Variants in ARHGAP15 observed in about 807,000 individuals in gnomAD.
ARHGAP15 encodes the protein Rho GTPase activating protein 15, also known as rho GTPase-activating protein 15.
A neutral mutation model predicts 63.7 loss-of-function variants in ARHGAP15; 51 were observed. The observed-to-expected ratio is 0.80, with a 90% CI of 0.64 to 1.01. ARHGAP15 has a LOEUF of 1.01. ARHGAP15 is among the 50% of genes least tolerant of loss of function. The probability of loss-of-function intolerance (pLI) is 0.00; values close to 1 mark genes in which losing one functional copy is unlikely to be tolerated. For missense variants in ARHGAP15, 560 were observed against 564.6 expected, an observed-to-expected ratio of 0.99 and a Z score of 0.08; for synonymous variants, 191 against 193.8, an observed-to-expected ratio of 0.99 and a Z score of 0.12.
intron 6 of ARHGAP15, among the ~76,000 whole-genome samples, chr2:143,347,013 C>G (rs1454526065): frequency 1.3e-5 from 2 of 151,860 alleles, no homozygotes; most frequent in African/African-American, 2.4e-5. Flanking sequence ...AACTGATGTA[C>G]AAATCGAGAG....
chr2:143,140,201 T>G (rs1689304435), intron 1 of ARHGAP15, among the ~76,000 whole-genome samples: 1 of 152,160 alleles, frequency 6.6e-6, no homozygotes, highest in Non-Finnish European at 1.5e-5. Flanking sequence ...TTGCTATTAG[T>G]TTCATTTTCT....
intron 6 of ARHGAP15, among the ~76,000 whole-genome samples, chr2:143,409,253 A>C (rs1688343608): frequency 6.6e-6 from 1 of 152,040 alleles, no homozygotes; most frequent in Non-Finnish European, 1.5e-5. Context: ...CTACCAATAG[A>C]AAACAACAAC....
intron 4 of ARHGAP15, among the ~76,000 whole-genome samples, chr2:143,217,260 C>G (rs1051075473): frequency 1.3e-5 from 2 of 152,170 alleles, no homozygotes; most frequent in Admixed American, 1.3e-4. Flanking sequence ...GAATGACACT[C>G]TGGGTCAACA....
In ARHGAP15 at chr2:143,767,771, A is replaced by G. The variant is rs572204479; in HGVS notation, c.1245-218A>G. Among the ~76,000 whole-genome samples the G allele has an allele frequency of 6.3e-4, 96 of 152,312 alleles. 1 individual carries two copies. The Middle Eastern group carries it at 0.02, about 32-fold the overall frequency. ...TATTTGTTGAGTACCCACAATGCTC[A>G]GCTATTATGGGGGTAAAAAGTTGGA... On this transcript the variant is annotated intron_variant, in intron 13 of 13. Transcript: ENST00000295095.
chr2:143,668,601 T>C (rs1175081847), intron 12 of ARHGAP15, among the ~76,000 whole-genome samples: 1 of 152,238 alleles, frequency 6.6e-6, no homozygotes, highest in African/African-American at 2.4e-5. Flanking sequence ...ACTCTTCTTT[T>C]TTATACAGCC....
chr2:143,405,843 T>G (rs974626247), intron 6 of ARHGAP15, among the ~76,000 whole-genome samples: 1 of 151,900 alleles, frequency 6.6e-6, no homozygotes, highest in African/African-American at 2.4e-5. Context: ...GAAGTCAGCA[T>G]GTTTTGCTCT....
intron 9 of ARHGAP15, among the ~76,000 whole-genome samples, chr2:143,506,025 T>G (rs1267158256): frequency 1.3e-5 from 2 of 152,242 alleles, no homozygotes; most frequent in African/African-American, 4.8e-5. Flanking sequence ...TTGAAATCAT[T>G]AAGCAGTTTT....
chr2:143,759,072 A>G (rs1038872797), intron 13 of ARHGAP15, among the ~76,000 whole-genome samples: 1 of 152,170 alleles, frequency 6.6e-6, no homozygotes, highest in African/African-American at 2.4e-5. Flanking sequence ...GCATTACAAA[A>G]TGTTTAGCAG....
At chr2:143,262,450 C>T (rs1268346306) in intron 6 of ARHGAP15, among the ~76,000 whole-genome samples, 7 of 151,930 alleles carry the variant, frequency 4.6e-5, no homozygotes, top group Non-Finnish European at 1.0e-4. Context: ...AGATTTTCCT[C>T]ATCCTCAGCC....
chr2:143,346,236 T>TCTCACACACACACTCTCTCTCA (rs1460248036), intron 6 of ARHGAP15, among the ~76,000 whole-genome samples: 1 of 82,548 alleles, frequency 1.2e-5, no homozygotes, highest in African/African-American at 4.9e-5. Context: ...ACACTCTCTC[T>TCTCACACACACACTCTCTCTCA]CACACACACA....
intron 6 of ARHGAP15, among the ~76,000 whole-genome samples, chr2:143,289,877 C>A (rs576184790): frequency 9.2e-5 from 14 of 152,086 alleles, no homozygotes; most frequent in Non-Finnish European, 1.8e-4. Flanking sequence ...TTTTCATATA[C>A]CACGTGAAAC....
chr2:143,700,801 G>T (rs1684053966), intron 12 of ARHGAP15, among the ~76,000 whole-genome samples: 1 of 152,066 alleles, frequency 6.6e-6, no homozygotes, highest in Admixed American at 6.6e-5. Flanking sequence ...GCTCTGACCT[G>T]GGCATACTAT....
chr2:143,440,479 G>A lies in ARHGAP15; in HGVS notation c.703+3437G>A, dbSNP rs918488342. On this transcript the variant is annotated intron_variant, in intron 8 of 13. Coordinates refer to ENST00000295095, the MANE Select transcript of ARHGAP15 (RefSeq NM_018460.4). ...TCCTGTGCCCTTGATGTTCCCATGA[G>A]TTTTGCCGCCAAGATTGTAGACAGA... Among the ~76,000 whole-genome samples the A allele has an allele frequency of 1.1e-4, 16 of 152,218 alleles. 1 individual carries two copies. Among genetic ancestry groups the A allele is most frequent in the Admixed American group, 1.0e-3 (16 of 15,282 alleles).
At chr2:143,138,390 T>C (rs1689230341) in intron 1 of ARHGAP15, among the ~76,000 whole-genome samples, 1 of 152,108 alleles carries the variant, frequency 6.6e-6, no homozygotes, top group African/African-American at 2.4e-5. Context: ...TGCGATAATT[T>C]TGAAGCCTGT....
intron 2 of ARHGAP15, among the ~76,000 whole-genome samples, chr2:143,164,442 C>G (rs1230877779): frequency 6.6e-6 from 1 of 151,926 alleles, no homozygotes; most frequent in Non-Finnish European, 1.5e-5. Flanking sequence ...ATATGCTTCT[C>G]CTTTGAGGTG....
intron 8 of ARHGAP15, among the ~76,000 whole-genome samples, chr2:143,445,069 A>G (rs922940520): frequency 1.3e-5 from 2 of 152,082 alleles, no homozygotes; most frequent in African/African-American, 4.8e-5. Context: ...AGGAAATGCC[A>G]TAACCAAGTA....
chr2:143,626,636 T>A (rs543505448), intron 12 of ARHGAP15, among the ~76,000 whole-genome samples: 31 of 152,234 alleles, frequency 2.0e-4, no homozygotes, highest in Admixed American at 1.5e-3. Context: ...TTCTGTCCTA[T>A]CAGAATGCCC....
chr2:143,654,739 C>T (rs371658445), intron 12 of ARHGAP15, among the ~76,000 whole-genome samples: 1 of 152,142 alleles, frequency 6.6e-6, no homozygotes, highest in Admixed American at 6.5e-5. Flanking sequence ...TGGCTTCTTT[C>T]CCCCTTGCTA....
At chr2:143,145,667 G>T (rs1221484449) in intron 1 of ARHGAP15, among the ~76,000 whole-genome samples, 1 of 151,888 alleles carries the variant, frequency 6.6e-6, no homozygotes, top group East Asian at 1.9e-4. Flanking sequence ...TACCTAGATT[G>T]TGACCACAGA....
Sources: gnomAD v4.1 joint callset for allele counts (sites outside exome capture counted in the v4.1 genomes callset) on GRCh38, gnomAD v4.1.1 for gene constraint, MANE v1.5 for transcripts, NCBI Gene and HGNC (gene_info 2026-07-23, HGNC 2026-07-21) for gene names.